ZNF619: variants seen among roughly 807,000 people sequenced by gnomAD.
ZNF619 encodes the protein zinc finger protein 619.
Under a neutral mutation model 14.2 loss-of-function variants are expected in ZNF619, and 9 were observed. The ratio of observed to expected loss-of-function variants is 0.64; its 90% CI spans 0.38 to 1.11. The LOEUF is 1.11. ZNF619 is among the 50% of genes least tolerant of loss of function. The pLI is 0.01. For missense variants in ZNF619, 659 were observed against 680.1 expected (o/e 0.97, Z 0.34); for synonymous variants, 246 against 252.8 (o/e 0.97, Z 0.26).
chr3:40,487,961 T>C lies in ZNF619; in HGVS notation c.1451T>C (p.Ile484Thr). 6.2e-7 allele frequency: 1 copy of C among 1,614,194 alleles called. No individual in the cohort carries two copies. Among genetic ancestry groups the C allele is most frequent in the Non-Finnish European group, 8.5e-7 (1 of 1,180,026 alleles). ...AAGTGGCATACTAGGAAGAAACTCATCAATGGAACAGGGCTATCCGCAGTT... is the reference window on the plus strand; with the variant it reads ...AAGTGGCATACTAGGAAGAAACTCACCAATGGAACAGGGCTATCCGCAGTT... Reference protein sequence around the residue: ...HQKWHTRKKLINGTGLSAVKP... With the variant: ...HQKWHTRKKLTNGTGLSAVKP... Residue 484 changes from isoleucine (I) to threonine (T), a missense_variant, in exon 5 of 5, where the codon ATC (isoleucine) becomes ACC (threonine). Coordinates refer to ENST00000432264, the MANE Select transcript of ZNF619 (RefSeq NM_001145093.4).
chr3:40,488,088 G>A lies in ZNF619; in HGVS notation c.1578G>A (p.Val526=), dbSNP rs771898447. ...PGPPLSSSHA[V]VLPPSVPFFL... ...CTCCCTTATCTTCTTCACATGCAGT[G>A]GTACTTCCTCCCTCTGTGCCTTTCT... The change falls in exon 5 of 5, where the codon GTG becomes GTA. Residue 526 remains valine, a synonymous_variant. Coordinates refer to ENST00000432264, the MANE Select transcript of ZNF619 (RefSeq NM_001145093.4). 6.2e-7 allele frequency: 1 copy of A among 1,614,162 alleles called. No individual in the cohort carries two copies. Among genetic ancestry groups the A allele is most frequent in the Admixed American group, 1.7e-5 (1 of 60,010 alleles).
chr3:40,485,407 T>G (rs1004795987), intron 4 of ZNF619, among the ~76,000 whole-genome samples: 1 of 151,574 alleles, frequency 6.6e-6, no homozygotes, highest in Non-Finnish European at 1.5e-5. Context: ...GTTCAACCAA[T>G]TCTCATGCCT....
chr3:40,482,224 A>G (rs1257252561), intron 3 of ZNF619: 1 of 1,551,458 alleles, frequency 6.4e-7, no homozygotes, highest in Non-Finnish European at 8.7e-7. Context: ...CTGGTTCCTA[A>G]TGGAGACCCA....
At chr3:40,482,174 G>A (rs905168010) in intron 3 of ZNF619, 158 bp downstream of exon 3, 1 of 1,545,364 alleles carries the variant, frequency 6.5e-7, no homozygotes, top group East Asian at 2.4e-5. Context: ...TGGAGAAAGA[G>A]CTCGGTTCAC....
intron 2 of ZNF619, among the ~76,000 whole-genome samples, chr3:40,481,395 A>C (rs1244607681): frequency 6.6e-6 from 1 of 152,198 alleles, no homozygotes; most frequent in African/African-American, 2.4e-5. Flanking sequence ...CTGATAAGGC[A>C]AGATGATAGA....
rs377079907 is a variant in ZNF619, at chr3:40,487,980, C to G, written c.1470C>G (p.Ser490=). 3.7e-6 allele frequency: 6 copies of G among 1,614,158 alleles called. No individual in the cohort carries two copies. The South Asian group carries it at 4.4e-5, about 12-fold the overall frequency. ...AACTCATCAATGGAACAGGGCTATC[C>G]GCAGTTAAGCCCTACTGTCCCTGCG... ...RKKLINGTGL[S]AVKPYCPCAI... Residue 490 remains serine, a synonymous_variant, in exon 5 of 5, where the codon TCC becomes TCG. Transcript: ENST00000432264.
In ZNF619 at chr3:40,487,874, C is replaced by T. The variant is rs1238532073; in HGVS notation, c.1364C>T (p.Pro455Leu). The change falls in exon 5 of 5, where the codon CCT becomes CTT. Residue 455 changes from proline (P) to leucine (L), a missense_variant. Physicochemically the swap from Pro to Leu is moderately conservative, Grantham distance 98. Coordinates refer to ENST00000432264, the MANE Select transcript of ZNF619 (RefSeq NM_001145093.4). ...QHQRVHTGEKPYECKECGKAF... is the reference protein window; with the variant it reads ...QHQRVHTGEKLYECKECGKAF... ...CAGCGAGTTCACACTGGGGAGAAAC[C>T]TTATGAGTGTAAGGAGTGCGGGAAA... 2 of 1,614,202 alleles carry T rather than the reference C, an allele frequency of 1.2e-6. No homozygotes were observed. Among genetic ancestry groups the T allele is most frequent in the Non-Finnish European group, 1.7e-6 (2 of 1,180,028 alleles).
chr3:40,479,798 A>G (rs1269555407), intron 2 of ZNF619, among the ~76,000 whole-genome samples: 1 of 152,178 alleles, frequency 6.6e-6, no homozygotes, highest in Non-Finnish European at 1.5e-5. Flanking sequence ...AGATGCCAGT[A>G]GCACTACCAT....
intron 4 of ZNF619, among the ~76,000 whole-genome samples, chr3:40,484,912 C>T (rs1697530305): frequency 6.6e-6 from 1 of 152,082 alleles, no homozygotes; most frequent in South Asian, 2.1e-4. Flanking sequence ...GGTGCCACCT[C>T]CAGAGATTCG....
In ZNF619 at chr3:40,487,197, GA is replaced by G. The variant is rs765262394; in HGVS notation, c.689del (p.Lys230SerfsTer74). On this transcript the variant is annotated frameshift_variant, in exon 5 of 5. Transcript: ENST00000432264. LOFTEE classifies it low-confidence loss of function (END_TRUNC). ...TGCATCAGAGAGTTCACACTAATGA[GA>G]AGCCCTACACATGCAAAGAATGTGG... is the stretch of plus-strand genomic sequence containing the variant. ...HLHQRVHTNEKPYTCKECGKT... is the reference protein window; with the variant it reads ...HLHQRVHTNEXPYTCKECGKT... 2.5e-6 allele frequency: 4 copies of G among 1,614,198 alleles called. No homozygotes were observed. The highest frequency in any genetic ancestry group is 3.4e-6 in the Non-Finnish European group (4 of 1,180,040).
At chr3:40,484,614 T>G (rs769492234) in intron 4 of ZNF619, among the ~76,000 whole-genome samples, 3 of 152,206 alleles carry the variant, frequency 2.0e-5, no homozygotes, top group East Asian at 1.9e-4. Flanking sequence ...TGTTAGTGTT[T>G]CCCCTTGCCA....
Position 40,488,133 on chromosome 3 carries a change from T to C in ZNF619, c.1623T>C (p.Ser541=), listed in dbSNP as rs1357804760. The C allele has an allele frequency of 6.8e-6, 11 of 1,614,174 alleles. No homozygotes were observed. Among genetic ancestry groups the C allele is most frequent in the Non-Finnish European group, 9.3e-6 (11 of 1,179,998 alleles). ...SVPFFLLLPS[S]EKANPSPVQI... ...CTTTCTTCCTGCTGCTTCCCTCATCTGAAAAGGCCAACCCTTCACCTGTCC... is the reference window on the plus strand; with the variant it reads ...CTTTCTTCCTGCTGCTTCCCTCATCCGAAAAGGCCAACCCTTCACCTGTCC... The change falls in exon 5 of 5, where the codon TCT becomes TCC. Residue 541 remains serine, a synonymous_variant. Coordinates refer to ENST00000432264, the MANE Select transcript of ZNF619 (RefSeq NM_001145093.4).
chr3:40,477,237 G>A lies in ZNF619; in HGVS notation c.-183G>A, dbSNP rs542802993. 148 of 152,558 alleles carry A rather than the reference G, an allele frequency of 9.7e-4. No individual in the cohort carries two copies. Among genetic ancestry groups the A allele is most frequent in the Non-Finnish European group, 1.6e-3 (109 of 68,214 alleles). The allele number at this position is 152,558 out of a possible 1,614,324, so 9.5% of individuals were successfully genotyped here. On this transcript the variant is annotated 5_prime_UTR_variant, in exon 1 of 5. Transcript: ENST00000432264. Reference sequence around the variant, plus strand: ...ACCTGTTCTGGAGGTCAGGCTTTGGGCCCTTGCAGAGGTCGCCGAGGGGCC... The same window carrying A: ...ACCTGTTCTGGAGGTCAGGCTTTGGACCCTTGCAGAGGTCGCCGAGGGGCC...
intron 2 of ZNF619, among the ~76,000 whole-genome samples, chr3:40,479,863 G>A (rs1329720093): frequency 6.6e-6 from 1 of 152,122 alleles, no homozygotes; most frequent in East Asian, 1.9e-4. Context: ...TTGCCACATA[G>A]TCTCTGGGGG....
intron 4 of ZNF619, chr3:40,483,510 C>T (rs572010152): frequency 4.2e-4 from 156 of 375,726 alleles, no homozygotes; most frequent in South Asian, 3.0e-3. Context: ...AGGCTGGTCT[C>T]GAACTCCTGC....
chr3:40,482,701 A>C lies in ZNF619; in HGVS notation c.292A>C (p.Thr98Pro). The change falls in exon 4 of 5, where the codon ACA (threonine) becomes CCA (proline). Residue 98 changes from threonine to proline, a missense_variant. Thr to Pro is a conservative substitution (Grantham distance 38). Transcript: ENST00000432264. Reference sequence around the variant, plus strand: ...GGGAGAGGCCCTGAGAGGCATGTGCACAGGTGAGCAGGAGAGCCTACCATC... The same window carrying C: ...GGGAGAGGCCCTGAGAGGCATGTGCCCAGGTGAGCAGGAGAGCCTACCATC... ...AGGEALRGMC[T>P]GGKTKTENEE... 1 of 1,611,088 alleles carries C rather than the reference A, an allele frequency of 6.2e-7. No individual in the cohort carries two copies. The highest frequency in any genetic ancestry group is 8.5e-7 in the Non-Finnish European group (1 of 1,178,406).
chr3:40,477,153 C>G lies in ZNF619; in HGVS notation c.-267C>G, dbSNP rs1161428715. On this transcript the variant is annotated 5_prime_UTR_variant, in exon 1 of 5. Transcript: ENST00000432264. ...ACCGACGGCCGGCCAGCTAATGCTTCCGTCTTGGCCACCTTGCGAGCGCTC... is the reference window on the plus strand; with the variant it reads ...ACCGACGGCCGGCCAGCTAATGCTTGCGTCTTGGCCACCTTGCGAGCGCTC... 1.3e-5 allele frequency: 2 copies of G among 152,326 alleles called. No individual in the cohort carries two copies. The highest frequency in any genetic ancestry group is 2.9e-5 in the Non-Finnish European group (2 of 68,118). The allele number at this position is 152,326 out of a possible 1,614,324, so 9.4% of individuals were successfully genotyped here.
At chr3:40,477,782 A>G (rs1697241804) in intron 1 of ZNF619, 136 bp from the exon 2 acceptor site, 1 of 578,604 alleles carries the variant, frequency 1.7e-6, no homozygotes, top group Non-Finnish European at 3.1e-6. Flanking sequence ...GCAACATCCC[A>G]TGAATCAGTG....
At chr3:40,480,702 A>T (rs573516756) in intron 2 of ZNF619, among the ~76,000 whole-genome samples, 38 of 152,114 alleles carry the variant, frequency 2.5e-4, no homozygotes, top group African/African-American at 8.7e-4. Flanking sequence ...AGGTTTCAGC[A>T]TGTTAGCCAG....
Sources: allele counts gnomAD v4.1 joint callset (sites outside exome capture counted in the v4.1 genomes callset), GRCh38; gene constraint gnomAD v4.1.1; transcripts MANE v1.5; gene names NCBI Gene and HGNC (gene_info 2026-07-23, HGNC 2026-07-21).